Variants in SUGP2 observed in about 807,000 individuals in gnomAD.
SUGP2 encodes SURP and G-patch domain-containing protein 2.
In SUGP2, 24 loss-of-function variants were observed where a neutral mutation model predicts 90.5. That is an observed-to-expected ratio of 0.27 (90% CI 0.19 to 0.37). The LOEUF (loss-of-function observed/expected upper bound fraction) is 0.37. Among genes scored for constraint, SUGP2 ranks in the 10% least tolerant of loss-of-function variants. SUGP2 has a pLI of 1.00. For missense variants in SUGP2, 1,233 were observed against 1,363.3 expected, an observed-to-expected ratio of 0.90 and a Z score of 1.51; for synonymous variants, 473 against 513.4, an observed-to-expected ratio of 0.92 and a Z score of 1.06.
rs145466262 is a variant in SUGP2, at chr19:19,011,705, C to T, written c.1851-1363G>A. Among the ~76,000 whole-genome samples, 422 of 152,192 alleles carry T rather than the reference C, an allele frequency of 2.8e-3. 2 individuals are homozygous for T. Among genetic ancestry groups the T allele is most frequent in the African/African-American group, 9.6e-3 (399 of 41,536 alleles). ...ATTTTCTCTGTGATTTCATACATAACGAACTTTTAAGATGGGCGTGGTGGC... is the reference window on the plus strand; with the variant it reads ...ATTTTCTCTGTGATTTCATACATAATGAACTTTTAAGATGGGCGTGGTGGC... On this transcript the variant is annotated intron_variant, in intron 4 of 10. Transcript: ENST00000452918.
intron 6 of SUGP2, among the ~76,000 whole-genome samples, chr19:19,005,892 CCACACACACACACCA>C (rs1568401495): frequency 2.0e-4 from 4 of 19,898 alleles, no homozygotes; most frequent in Admixed American, 1.5e-3. Context: ...CACACACACA[CCACACACACACACCA>C]CACACACATA....
intron 4 of SUGP2, among the ~76,000 whole-genome samples, chr19:19,012,763 C>A (rs1401751923): frequency 1.3e-5 from 2 of 152,218 alleles, no homozygotes; most frequent in Non-Finnish European, 2.9e-5. Flanking sequence ...TCTTCCACAA[C>A]CTTATTTGGA....
intron 1 of SUGP2, 26 bp from the exon 2 acceptor site, chr19:19,031,108 C>T (rs764356129): frequency 1.4e-5 from 22 of 1,601,152 alleles, no homozygotes; most frequent in Non-Finnish European, 1.8e-5. Flanking sequence ...AAAAAATACA[C>T]TAAGAGCAAC....
At chr19:19,003,595 G>A (rs895132451) in intron 7 of SUGP2, 1 of 152,438 alleles carries the variant, frequency 6.6e-6, no homozygotes, top group Non-Finnish European at 1.5e-5. Context: ...TGCTGTACTG[G>A]TGGGTTCTCG....
intron 6 of SUGP2, chr19:19,007,232 G>C (rs2058110618): frequency 6.6e-6 from 1 of 152,314 alleles, no homozygotes; most frequent in Non-Finnish European, 1.5e-5. Context: ...AGAGGGCAAA[G>C]GTACCTGCTC....
At chr19:19,011,009 T>A (rs892470564) in intron 4 of SUGP2, among the ~76,000 whole-genome samples, 2 of 151,010 alleles carry the variant, frequency 1.3e-5, no homozygotes, top group Admixed American at 6.6e-5. Flanking sequence ...TGGTGGTGCA[T>A]GCCTATAGTC....
In SUGP2 at chr19:19,024,965, G is replaced by A; in HGVS notation, c.1383C>T (p.Asn461=). 6.2e-7 allele frequency: 1 copy of A among 1,614,186 alleles called. No individual in the cohort carries two copies. The stretch of plus-strand genomic sequence containing the variant: ...CTAGGGCAAGAGCCAAGTCCAGGGG[G>A]TTACTGAGGGTCTTCATCTTGACAC... The part of the protein sequence containing the change: ...ELSVKMKTLS[N]PLDLALALET... The change falls in exon 3 of 11, where the codon AAC becomes AAT. Residue 461 remains asparagine (N), a synonymous_variant. Coordinates refer to ENST00000452918, the MANE Select transcript of SUGP2 (RefSeq NM_001017392.5).
At chr19:19,030,086 G>C (rs541080021) in intron 2 of SUGP2, among the ~76,000 whole-genome samples, 2 of 152,140 alleles carry the variant, frequency 1.3e-5, no homozygotes, top group African/African-American at 4.8e-5. Context: ...GGCAGAGGTG[G>C]GAGGATCACT....
rs2058895223 is a variant in SUGP2, at chr19:19,025,678, A to T, written c.670T>A (p.Ser224Thr). The T allele has an allele frequency of 6.2e-7, 1 of 1,613,940 alleles. No individual in the cohort carries two copies. The highest frequency in any genetic ancestry group is 2.2e-5 in the East Asian group (1 of 44,872). ...RALNIVDQEG[S>T]LLGKGETQGL... Reference sequence around the variant, plus strand: ...TGAGTCTCCCCCTTTCCTAGGAGGGAACCTTCCTGGTCAACGATGTTTAGA... The same window carrying T: ...TGAGTCTCCCCCTTTCCTAGGAGGGTACCTTCCTGGTCAACGATGTTTAGA... Residue 224 changes from serine to threonine, a missense_variant, in exon 3 of 11, where the codon TCC (serine) becomes ACC (threonine). By Grantham distance (58) the Ser-to-Thr change is moderately conservative. Around this residue, in one of 8 missense-constraint regions of SUGP2, gnomAD observed 418 missense variants for 399.9 expected, o/e 1.05. Transcript: ENST00000452918.
chr19:19,010,448 C>T, intron 4 of SUGP2, 106 bp from the exon 5 acceptor site: 1 of 1,437,416 alleles, frequency 7.0e-7, no homozygotes, highest in Non-Finnish European at 9.4e-7. Context: ...CCTCACTGTC[C>T]TCTCCTGTCT....
Position 19,025,051 on chromosome 19 carries a change from G to C in SUGP2, c.1297C>G (p.Gln433Glu). The change falls in exon 3 of 11, where the codon CAA (glutamine) becomes GAA (glutamate). Residue 433 changes from glutamine to glutamate, a missense_variant. Gln to Glu is a conservative substitution (Grantham distance 29). Coordinates refer to ENST00000452918, the MANE Select transcript of SUGP2 (RefSeq NM_001017392.5). ...GTGACACTCTTCAGAAGCCGGTCTT[G>C]AAGTCTCATTATGTACTTGTCAAAA... ...KPFDKYIMRL[Q>E]DRLLKSVTPL... 1 of 1,614,224 alleles carries C rather than the reference G, an allele frequency of 6.2e-7. No homozygotes were observed. The highest frequency in any genetic ancestry group is 8.5e-7 in the Non-Finnish European group (1 of 1,180,044).
intron 4 of SUGP2, among the ~76,000 whole-genome samples, chr19:19,018,636 G>A (rs1599518912): frequency 2.3e-5 from 3 of 129,804 alleles, no homozygotes; most frequent in Admixed American, 9.1e-5. Context: ...GCGGTGAGCC[G>A]AGATAGCGCC....
chr19:19,002,676 G>A (rs1311839905), intron 7 of SUGP2, among the ~76,000 whole-genome samples: 6 of 151,860 alleles, frequency 4.0e-5, no homozygotes, highest in African/African-American at 7.2e-5. Context: ...ACCACGCCTC[G>A]CTAATTCTGT....
chr19:19,019,730 A>T (rs533787818), intron 3 of SUGP2, among the ~76,000 whole-genome samples: 46 of 151,424 alleles, frequency 3.0e-4, no homozygotes, highest in Non-Finnish European at 5.4e-4. Flanking sequence ...AGGGGGTAGA[A>T]TTATCAGGAA....
intron 4 of SUGP2, among the ~76,000 whole-genome samples, chr19:19,014,728 G>A (rs1263693402): frequency 1.3e-5 from 2 of 151,796 alleles, no homozygotes; most frequent in African/African-American, 2.4e-5. Flanking sequence ...GTGAGCCCAG[G>A]TTGAGGCTGC....
chr19:19,004,094 G>A, intron 7 of SUGP2, 74 bp downstream of exon 7: 1 of 1,169,132 alleles, frequency 8.6e-7, no homozygotes, highest in East Asian at 2.4e-5. Context: ...GTCTCCACCT[G>A]TCTCTTCTAA....
At chr19:19,005,102 G>GC (rs930603133) in intron 6 of SUGP2, among the ~76,000 whole-genome samples, 4 of 152,080 alleles carry the variant, frequency 2.6e-5, no homozygotes, top group African/African-American at 2.4e-5. Flanking sequence ...ACCGTAAGGT[G>GC]CCCCCCGAGG....
intron 4 of SUGP2, among the ~76,000 whole-genome samples, chr19:19,014,865 T>C (rs945191956): frequency 6.6e-6 from 1 of 151,422 alleles, no homozygotes; most frequent in Non-Finnish European, 1.5e-5. Context: ...TGGTCATGCA[T>C]AAAACTGTTC....
intron 1 of SUGP2, among the ~76,000 whole-genome samples, chr19:19,032,521 C>T (rs1054282139): frequency 2.0e-5 from 3 of 152,108 alleles, no homozygotes; most frequent in Admixed American, 1.3e-4. Context: ...GAACTTCCTT[C>T]CCTTCTAAAA....
Sources: allele counts gnomAD v4.1 joint callset (sites outside exome capture counted in the v4.1 genomes callset), GRCh38; gene constraint gnomAD v4.1.1; regional missense constraint gnomAD v4.1.1; transcripts MANE v1.5; gene names NCBI Gene and HGNC (gene_info 2026-07-23, HGNC 2026-07-21).